The following TMEM87B variants were observed in gnomAD, a reference collection of about 807,000 sequenced individuals.
The protein encoded by TMEM87B is transmembrane protein 87B.
In TMEM87B, 83 loss-of-function variants were observed where a neutral mutation model predicts 80.3. That is an observed-to-expected ratio of 1.03 (90% CI 0.87 to 1.24). The LOEUF is 1.24. Among genes scored for constraint, TMEM87B ranks in the 50% most tolerant of loss-of-function variants. The pLI, the probability that TMEM87B is intolerant of heterozygous loss-of-function variation, is 0.00. For synonymous variants in TMEM87B, 219 were observed against 230.5 expected, an observed-to-expected ratio of 0.95 and a Z score of 0.45; for missense variants, 625 against 674.4, an observed-to-expected ratio of 0.93 and a Z score of 0.81.
intron 6 of TMEM87B, among the ~76,000 whole-genome samples, chr2:112,077,877 C>A (rs554785251): frequency 6.6e-6 from 1 of 152,290 alleles, no homozygotes; most frequent in Admixed American, 6.5e-5. Context: ...TTCCCATATT[C>A]TAGAATCACT....
rs1573718265 is a variant in TMEM87B, at chr2:112,096,984, C to T, written c.1105-60C>T. 4.5e-6 allele frequency: 5 copies of T among 1,122,052 alleles called. No homozygotes were observed. The African/African-American group carries it at 4.8e-5, about 11-fold the overall frequency. 69.5% of individuals were successfully genotyped at this position (1,122,052 alleles called of 1,614,324 possible). On this transcript the variant is annotated intron_variant, in intron 11 of 18. Transcript: ENST00000283206. ...GACTTTGGGAACATAGTAGAAGATT[C>T]TGTTTTTTTTTTTTAACCTCTTATT...
chr2:112,095,209 T>C, intron 11 of TMEM87B: 1 of 791,628 alleles, frequency 1.3e-6, no homozygotes, highest in African/African-American at 2.6e-5. Context: ...TTTTTTTTTT[T>C]TTTGCTGTTT....
At position 112,118,791 on chromosome 2, in the gene TMEM87B, A is replaced by G. The variant is rs1380452331; in HGVS notation, c.*2648A>G. ...AGCTGAAAGTATAAAAAATGTACAT[A>G]TACATTTTGAGTTATGTATCCTTTT... On this transcript the variant is annotated 3_prime_UTR_variant, in exon 19 of 19. Coordinates refer to ENST00000283206, the MANE Select transcript of TMEM87B (RefSeq NM_032824.3). 1 of 152,190 alleles carries G rather than the reference A, an allele frequency of 6.6e-6. No individual in the cohort carries two copies. Among genetic ancestry groups the G allele is most frequent in the African/African-American group, 2.4e-5 (1 of 41,458 alleles). 9.4% of individuals were successfully genotyped at this position (152,190 alleles called of 1,614,324 possible).
chr2:112,107,977 C>T (rs1256578529), intron 17 of TMEM87B, 137 bp downstream of exon 17: 6 of 446,940 alleles, frequency 1.3e-5, no homozygotes, highest in Admixed American at 1.2e-4. Flanking sequence ...CAGTACATGG[C>T]CCTTACAGAA....
At chr2:112,112,538 C>T (rs553740525) in intron 17 of TMEM87B, among the ~76,000 whole-genome samples, 13 of 152,370 alleles carry the variant, frequency 8.5e-5, no homozygotes, top group African/African-American at 3.1e-4. Context: ...CCTTTCACAT[C>T]AGGAGCCCAC....
intron 16 of TMEM87B, 98 bp from the exon 17 acceptor site, chr2:112,107,690 T>C: frequency 3.5e-6 from 2 of 564,384 alleles, no homozygotes; most frequent in Non-Finnish European, 5.7e-6. Context: ...GAATGTCAAA[T>C]ATTTACATTT....
chr2:112,084,755 C>T (rs888740964), intron 8 of TMEM87B, among the ~76,000 whole-genome samples: 7 of 152,314 alleles, frequency 4.6e-5, no homozygotes, highest in Non-Finnish European at 1.0e-4. Context: ...TGATCACTGC[C>T]GGTACTCTCA....
At chr2:112,110,773 C>T (rs987007415) in intron 17 of TMEM87B, among the ~76,000 whole-genome samples, 2 of 152,034 alleles carry the variant, frequency 1.3e-5, no homozygotes, top group East Asian at 1.9e-4. Context: ...ATTTACTACA[C>T]GATCACATCT....
intron 17 of TMEM87B, among the ~76,000 whole-genome samples, chr2:112,110,726 C>T (rs1377981331): frequency 6.6e-6 from 1 of 151,902 alleles, no homozygotes; most frequent in African/African-American, 2.4e-5. Context: ...CAGACCTTCT[C>T]CCACCGCCCC....
chr2:112,113,673 T>G (rs1036211708), intron 18 of TMEM87B, among the ~76,000 whole-genome samples: 4 of 147,132 alleles, frequency 2.7e-5, no homozygotes, highest in Admixed American at 6.8e-5. Flanking sequence ...TACAGAAAGA[T>G]GTAGCATTAC....
chr2:112,090,047 C>T (rs1484921057), intron 10 of TMEM87B, among the ~76,000 whole-genome samples: 1 of 152,192 alleles, frequency 6.6e-6, no homozygotes, highest in Admixed American at 6.6e-5. Context: ...TCATTCTTAA[C>T]CCTGGATTTT....
Position 112,073,158 on chromosome 2 carries a change from C to T in TMEM87B, c.451-1754C>T, listed in dbSNP as rs565275512. Among the ~76,000 whole-genome samples, 4 of 152,212 alleles carry T rather than the reference C, an allele frequency of 2.6e-5. No homozygotes were observed. The South Asian group carries it at 6.2e-4, about 24-fold the overall frequency. On this transcript the variant is annotated intron_variant, in intron 4 of 18. Transcript: ENST00000283206. ...CAGATGATCCACCCGCCTCAGCCTC[C>T]CAAAGTACTGGGATTACAGGATTAC...
In TMEM87B at chr2:112,109,227, T is replaced by G. The variant is rs376220747; in HGVS notation, c.1577+1387T>G. ...GAAACTAACAATACACTGTTATACT[T>G]TTTTATTTTAGCAGTCAGAAAAGGA... On this transcript the variant is annotated intron_variant, in intron 17 of 18. Coordinates refer to ENST00000283206, the MANE Select transcript of TMEM87B (RefSeq NM_032824.3). Among the ~76,000 whole-genome samples, 19 of 152,334 alleles carry G rather than the reference T, an allele frequency of 1.2e-4. No homozygotes were observed. The South Asian group carries it at 3.3e-3, about 27-fold the overall frequency.
At chr2:112,112,374 G>A (rs1436727116) in intron 17 of TMEM87B, among the ~76,000 whole-genome samples, 1 of 152,160 alleles carries the variant, frequency 6.6e-6, no homozygotes, top group Non-Finnish European at 1.5e-5. Context: ...TTAAGCAAAT[G>A]CTGGATTCTG....
At chr2:112,115,955 T>A (rs537635488) in intron 18 of TMEM87B, 129 bp from the exon 19 acceptor site, 1 of 660,900 alleles carries the variant, frequency 1.5e-6, no homozygotes, top group East Asian at 2.8e-5. Context: ...CTGTATGTAA[T>A]ATTTCCATGT....
chr2:112,067,970 T>C (rs1678487576), intron 4 of TMEM87B, among the ~76,000 whole-genome samples: 1 of 152,180 alleles, frequency 6.6e-6, no homozygotes, highest in African/African-American at 2.4e-5. Flanking sequence ...CCCAGCACTT[T>C]GGGAGGATGA....
In TMEM87B at chr2:112,075,106, C is replaced by T. The variant is rs899895240; in HGVS notation, c.501+144C>T. 5.9e-6 allele frequency: 8 copies of T among 1,345,862 alleles called. No individual in the cohort carries two copies. In the South Asian group the frequency reaches 1.2e-4, roughly 20 times the overall value. The allele number at this position is 1,345,862 out of a possible 1,614,324, so 83.4% of individuals were successfully genotyped here. A position where few individuals can be genotyped will look rare whatever the true frequency, so the allele number is the denominator to read the frequency against. On this transcript the variant is annotated intron_variant, in intron 5 of 18. Coordinates refer to ENST00000283206, the MANE Select transcript of TMEM87B (RefSeq NM_032824.3). ...AGGAAAAGGAAACATTATTTAAAAC[C>T]GTATGTTTTCAGGCCAGGTGCAGTG...
At position 112,065,035 on chromosome 2, in the gene TMEM87B, T is replaced by C. The variant is rs1303172462; in HGVS notation, c.318+782T>C. 2.6e-5 allele frequency among the ~76,000 whole-genome samples: 4 copies of C among 152,246 alleles called. No homozygotes were observed. The East Asian group carries it at 7.7e-4, about 29-fold the overall frequency. ...GTGCAGTGGTGCGATCATGGCTCAC[T>C]CCAGCCCTGAACTCCTGGACTCAAG... On this transcript the variant is annotated intron_variant, in intron 3 of 18. Coordinates refer to ENST00000283206, the MANE Select transcript of TMEM87B (RefSeq NM_032824.3).
At chr2:112,078,354 C>CT (rs746218481) in intron 6 of TMEM87B, among the ~76,000 whole-genome samples, 3 of 152,154 alleles carry the variant, frequency 2.0e-5, no homozygotes, top group Non-Finnish European at 4.4e-5. Flanking sequence ...AAGATGGCAC[C>CT]TTAAACGATG....
Sources: allele counts gnomAD v4.1 joint callset (sites outside exome capture counted in the v4.1 genomes callset), GRCh38; gene constraint gnomAD v4.1.1; transcripts MANE v1.5; gene names NCBI Gene and HGNC (gene_info 2026-07-23, HGNC 2026-07-21).